Variants in KIF6 observed in about 807,000 individuals in gnomAD.
KIF6 encodes kinesin family member 6, also known as kinesin-like protein KIF6.
A neutral mutation model predicts 112.7 loss-of-function variants in KIF6; 106 were observed. The ratio of observed to expected loss-of-function variants is 0.94; its 90% CI spans 0.80 to 1.11. The LOEUF (loss-of-function observed/expected upper bound fraction) is 1.11, where lower values mean the gene tolerates loss of function less well. Among genes scored for constraint, KIF6 ranks in the 50% least tolerant of loss-of-function variants. The pLI is 0.00. For missense variants in KIF6, 929 were observed against 964.0 expected, an observed-to-expected ratio of 0.96 and a Z score of 0.48; for synonymous variants, 339 against 339.9, an observed-to-expected ratio of 1.00 and a Z score of 0.03.
chr6:39,690,176 GCTTC>G (rs1353693302), intron 3 of KIF6: 2 of 152,178 alleles, frequency 1.3e-5, no homozygotes, highest in South Asian at 2.1e-4. Context: ...CTAAAATAAT[GCTTC>G]CTTTTATCTG....
intron 3 of KIF6, among the ~76,000 whole-genome samples, chr6:39,648,566 A>T (rs1279189826): frequency 1.3e-5 from 2 of 152,196 alleles, no homozygotes; most frequent in Non-Finnish European, 2.9e-5. Context: ...GAATGCTTAA[A>T]CTTAACTAAA....
At chr6:39,458,404 C>T (rs1351983262) in intron 13 of KIF6, among the ~76,000 whole-genome samples, 6 of 137,708 alleles carry the variant, frequency 4.4e-5, no homozygotes, top group South Asian at 2.6e-4. Flanking sequence ...GACAAACCCA[C>T]AGCCAATATC....
intron 22 of KIF6, among the ~76,000 whole-genome samples, chr6:39,339,728 C>T (rs1367634623): frequency 6.6e-6 from 1 of 151,646 alleles, no homozygotes; most frequent in Non-Finnish European, 1.5e-5. Context: ...TGACTGATGC[C>T]CCTTACGGGT....
intron 21 of KIF6, among the ~76,000 whole-genome samples, chr6:39,344,493 C>T (rs974656329): frequency 2.0e-5 from 3 of 152,176 alleles, no homozygotes; most frequent in Non-Finnish European, 2.9e-5. Context: ...CAGCTGCCCC[C>T]TTTTCTTTCA....
chr6:39,406,577 G>A (rs1769102866), intron 15 of KIF6, among the ~76,000 whole-genome samples: 1 of 151,982 alleles, frequency 6.6e-6, no homozygotes, highest in South Asian at 2.1e-4. Context: ...TTTTCTCTTT[G>A]CCACTATATG....
intron 13 of KIF6, among the ~76,000 whole-genome samples, chr6:39,451,411 T>C (rs1186227029): frequency 6.6e-6 from 1 of 152,260 alleles, no homozygotes; most frequent in Non-Finnish European, 1.5e-5. Context: ...TTGGATTATT[T>C]CTGTAGGCTG....
At chr6:39,630,225 T>C (rs535110038) in intron 5 of KIF6, among the ~76,000 whole-genome samples, 1 of 152,102 alleles carries the variant, frequency 6.6e-6, no homozygotes, top group Non-Finnish European at 1.5e-5. Context: ...AATAATTTAC[T>C]AGGAATTTGC....
chr6:39,570,102 A>G (rs1245634345), intron 10 of KIF6, among the ~76,000 whole-genome samples: 1 of 152,234 alleles, frequency 6.6e-6, no homozygotes, highest in African/African-American at 2.4e-5. Context: ...TGGGTTTTAT[A>G]ATACTATGTG....
chr6:39,714,739 T>C lies in KIF6; in HGVS notation c.204A>G (p.Ala68=). The change falls in exon 3 of 23, where the codon GCA becomes GCG. Residue 68 remains alanine (A), a synonymous_variant. Transcript: ENST00000287152. ...FKFQRIFDQD[A]NQETVFENIA... is the part of the protein sequence containing the mutation. ...TGTTTTCAAAAACGGTCTCTTGGTT[T>C]GCATCCTGATCAAAAATTCTTTGAA... The C allele has an allele frequency of 1.2e-6, 2 of 1,613,520 alleles. No individual in the cohort carries two copies. Among genetic ancestry groups the C allele is most frequent in the Non-Finnish European group, 1.7e-6 (2 of 1,179,508 alleles).
chr6:39,576,286 G>T (rs1170474107), intron 10 of KIF6, among the ~76,000 whole-genome samples: 2 of 151,918 alleles, frequency 1.3e-5, no homozygotes, highest in African/African-American at 4.8e-5. Flanking sequence ...CACCACACCC[G>T]GCTAATTTTG....
At chr6:39,578,334 T>TA (rs1781092418) in intron 9 of KIF6, among the ~76,000 whole-genome samples, 175 bp from the exon 10 acceptor site, 5 of 149,456 alleles carry the variant, frequency 3.3e-5, no homozygotes, top group Admixed American at 3.3e-4. Flanking sequence ...TCTAGATTTT[T>TA]TTTTTTTTTT....
chr6:39,440,510 G>A (rs141473783), intron 13 of KIF6, among the ~76,000 whole-genome samples: 3 of 152,182 alleles, frequency 2.0e-5, no homozygotes, highest in East Asian at 1.9e-4. Flanking sequence ...CAAAAATATC[G>A]TCACCTAAAT....
intron 15 of KIF6, among the ~76,000 whole-genome samples, chr6:39,394,580 G>T (rs1405793850): frequency 6.6e-6 from 1 of 152,230 alleles, no homozygotes; most frequent in African/African-American, 2.4e-5. Flanking sequence ...GGGGCCAGGG[G>T]TGGGGGCACC....
intron 13 of KIF6, among the ~76,000 whole-genome samples, chr6:39,502,544 A>C (rs753100632): frequency 2.6e-5 from 4 of 152,212 alleles, no homozygotes; most frequent in Admixed American, 6.5e-5. Flanking sequence ...AAAGACATGG[A>C]ATGGCAAGCA....
chr6:39,582,758 G>A (rs1345932670), intron 9 of KIF6, among the ~76,000 whole-genome samples: 5 of 152,092 alleles, frequency 3.3e-5, no homozygotes, highest in Non-Finnish European at 7.4e-5. Context: ...AATCCTTATC[G>A]GCTGGCTCCA....
intron 10 of KIF6, among the ~76,000 whole-genome samples, chr6:39,547,187 C>G (rs1779113138): frequency 6.6e-6 from 1 of 152,206 alleles, no homozygotes. Flanking sequence ...TCTGCTGTTA[C>G]TATCAGCCCA....
At position 39,429,857 on chromosome 6, in the gene KIF6, A is replaced by G. The variant is rs6927522; in HGVS notation, c.1754+1196T>C. On this transcript the variant is annotated intron_variant, in intron 14 of 22. Transcript: ENST00000287152. ...CGGGAGGTGGAGGTTGCAGTGAGCC[A>G]AGATCACACCACTGCACTCCAGGCT... 2.4e-3 allele frequency among the ~76,000 whole-genome samples: 363 copies of G among 152,076 alleles called. 2 individuals are homozygous for G. Among genetic ancestry groups the G allele is most frequent in the African/African-American group, 7.4e-3 (307 of 41,484 alleles).
chr6:39,678,196 T>C (rs111625065), intron 3 of KIF6, among the ~76,000 whole-genome samples: 2,381 of 151,514 alleles, frequency 0.016, 30 homozygotes, highest in Non-Finnish European at 0.024. Context: ...ACTTTTACAC[T>C]GTTGGTGGGA....
At chr6:39,379,302 T>G (rs1170814790) in intron 16 of KIF6, among the ~76,000 whole-genome samples, 1 of 152,184 alleles carries the variant, frequency 6.6e-6, no homozygotes, top group Non-Finnish European at 1.5e-5. Flanking sequence ...TTCTTTTAAA[T>G]GGGCTTATTT....
Sources: allele counts gnomAD v4.1 joint callset (sites outside exome capture counted in the v4.1 genomes callset), GRCh38; gene constraint gnomAD v4.1.1; transcripts MANE v1.5; gene names NCBI Gene and HGNC (gene_info 2026-07-23, HGNC 2026-07-21).